The following NFU1 variants were observed in gnomAD, a reference collection of about 807,000 sequenced individuals.
NFU1 encodes the protein NFU1 iron-sulfur cluster scaffold homolog, mitochondrial.
In NFU1, 30 loss-of-function variants were observed where a neutral mutation model predicts 32.2. The observed-to-expected ratio is 0.93, with a 90% CI of 0.70 to 1.26. NFU1 has a LOEUF of 1.26. Ranked by LOEUF, NFU1 falls within the 50% of genes most tolerant of loss-of-function variation. The pLI, the probability that NFU1 is intolerant of heterozygous loss-of-function variation, is 0.00. For synonymous variants in NFU1, 112 were observed against 104.6 expected (o/e 1.07, Z -0.43); for missense variants, 306 against 306.6 (o/e 1.00, Z 0.02).
intron 2 of NFU1, among the ~76,000 whole-genome samples, chr2:69,424,257 A>T (rs1305177841): frequency 6.9e-6 from 1 of 144,710 alleles, no homozygotes. Flanking sequence ...TTCTACTAAC[A>T]CTCTGGTTTA....
chr2:69,416,311 T>G (rs528170574), intron 4 of NFU1: 3 of 147,816 alleles, frequency 2.0e-5, no homozygotes, highest in African/African-American at 7.3e-5. Flanking sequence ...ATAATTATAA[T>G]TTATAATTAA....
chr2:69,411,133 T>C (rs907040961), intron 5 of NFU1: 1 of 152,072 alleles, frequency 6.6e-6, no homozygotes, highest in African/African-American at 2.4e-5. Flanking sequence ...ACTGGGATAA[T>C]TGATTACCTA....
At chr2:69,436,850 G>A (rs888973778) in intron 1 of NFU1, among the ~76,000 whole-genome samples, 15 of 150,834 alleles carry the variant, frequency 9.9e-5, no homozygotes, top group Admixed American at 9.2e-4. Context: ...AGGGAATCTA[G>A]GGGTCCTGGT....
At chr2:69,409,019 T>C (rs149016763) in intron 5 of NFU1, among the ~76,000 whole-genome samples, 3,423 of 151,868 alleles carry the variant, frequency 0.023, 134 homozygotes, top group African/African-American at 0.077. Flanking sequence ...TTTTTGTATT[T>C]TTAGTAGAGA....
Position 69,423,614 on chromosome 2 carries a change from GGT to G in NFU1, c.268_269del (p.Thr90ProfsTer11), listed in dbSNP as rs1673341007. 2 of 1,613,746 alleles carry G rather than the reference GGT, an allele frequency of 1.2e-6. No homozygotes were observed. Among genetic ancestry groups the G allele is most frequent in the Non-Finnish European group, 1.7e-6 (2 of 1,179,908 alleles). On this transcript the variant is annotated frameshift_variant, in exon 3 of 8. Coordinates refer to ENST00000410022, the MANE Select transcript of NFU1 (RefSeq NM_001002755.4). LOFTEE classifies it high-confidence loss of function. ...VLETRTMDFP[T>X]PAAAFRSPLA... ...GAGGGGAGCGAAATGCTGCAGCTGGGGTGGGAAAATCCATGGTCCTTGTCTCA... is the reference window on the plus strand; with the variant it reads ...GAGGGGAGCGAAATGCTGCAGCTGGGGGGAAAATCCATGGTCCTTGTCTCA...
chr2:69,399,768 T>C (rs1308315255), intron 7 of NFU1, among the ~76,000 whole-genome samples: 1 of 152,194 alleles, frequency 6.6e-6, no homozygotes. Flanking sequence ...TGAGTCTCTG[T>C]AGCCTTATGT....
At chr2:69,421,545 CA>C (rs1237410744) in intron 3 of NFU1, among the ~76,000 whole-genome samples, 2 of 135,858 alleles carry the variant, frequency 1.5e-5, no homozygotes, top group African/African-American at 5.4e-5. Flanking sequence ...TTCATCCCAA[CA>C]ATTTTATCAT....
chr2:69,429,345 C>T (rs997219099), intron 2 of NFU1, among the ~76,000 whole-genome samples: 1 of 152,114 alleles, frequency 6.6e-6, no homozygotes, highest in East Asian at 1.9e-4. Flanking sequence ...AGGAGGATCA[C>T]TTGAGGGCAG....
chr2:69,417,505 A>G (rs934761521), intron 4 of NFU1, among the ~76,000 whole-genome samples: 2 of 151,138 alleles, frequency 1.3e-5, no homozygotes, highest in African/African-American at 2.4e-5. Context: ...AAAAAAAATT[A>G]GCTGGGCATA....
chr2:69,401,573 T>C (rs1190626844), intron 6 of NFU1, among the ~76,000 whole-genome samples: 1 of 152,240 alleles, frequency 6.6e-6, no homozygotes. Context: ...TTATAAAGAT[T>C]CTTAGAAATG....
At chr2:69,427,058 T>G (rs1264487532) in intron 2 of NFU1, among the ~76,000 whole-genome samples, 1 of 93,578 alleles carries the variant, frequency 1.1e-5, no homozygotes, top group Non-Finnish European at 2.0e-5. Context: ...AGACTAGGTC[T>G]CAAAAAAAAA....
At chr2:69,405,914 C>T (rs1672679152) in intron 6 of NFU1, 108 bp downstream of exon 6, 1 of 756,892 alleles carries the variant, frequency 1.3e-6, no homozygotes, top group African/African-American at 1.7e-5. Flanking sequence ...CATTAACTTG[C>T]ACTTATTTTG....
chr2:69,396,283 T>A lies in NFU1; in HGVS notation c.728A>T (p.Asp243Val). ...TGCTTCTTTTTCATCTGATTCATCA[T>A]CCATAACCTAAAACCAAAAAACAAA... ...PEVEGVEQVMDDESDEKEANS... is the reference protein window; with the variant it reads ...PEVEGVEQVMVDESDEKEANS... Residue 243 changes from aspartate to valine, a missense_variant, in exon 8 of 8, where the codon GAT becomes GTT. Physicochemically the swap from Asp to Val is radical, Grantham distance 152 (BLOSUM62 -3). Transcript: ENST00000410022. The A allele has an allele frequency of 6.2e-7, 1 of 1,608,296 alleles. No individual in the cohort carries two copies.
chr2:69,438,964 CTCAA>C (rs1182216605), upstream of NFU1, among the ~76,000 whole-genome samples: 4 of 146,180 alleles, frequency 2.7e-5, no homozygotes, highest in East Asian at 4.1e-4. Context: ...GTTTTTGACC[CTCAA>C]TCAAAAATAA....
At chr2:69,437,815 A>G (rs1673910353), upstream of NFU1, among the ~76,000 whole-genome samples, 1 of 152,104 alleles carries the variant, frequency 6.6e-6, no homozygotes, top group Non-Finnish European at 1.5e-5. Flanking sequence ...CAGCTCAGTG[A>G]CTGCCCCCAA....
intron 4 of NFU1, among the ~76,000 whole-genome samples, chr2:69,418,449 G>A (rs1397417207): frequency 6.6e-6 from 1 of 152,052 alleles, no homozygotes; most frequent in Non-Finnish European, 1.5e-5. Context: ...GATTTAACAT[G>A]TCACTAACCC....
intron 4 of NFU1, chr2:69,416,282 A>C (rs1673047933): frequency 6.7e-6 from 1 of 148,180 alleles, no homozygotes; most frequent in Non-Finnish European, 1.5e-5. Flanking sequence ...TAATTCATTC[A>C]CTTATTATTA....
At chr2:69,431,146 TTTTC>T (rs759376345) in intron 2 of NFU1, among the ~76,000 whole-genome samples, 1 of 152,228 alleles carries the variant, frequency 6.6e-6, no homozygotes, top group East Asian at 1.9e-4. Context: ...ACAAAAAAGC[TTTTC>T]TTTCTTTTTT....
chr2:69,427,138 C>T (rs1397354190), intron 2 of NFU1, among the ~76,000 whole-genome samples: 1 of 150,768 alleles, frequency 6.6e-6, no homozygotes, highest in Non-Finnish European at 1.5e-5. Flanking sequence ...ATAATCCTAG[C>T]ACTTTGGGAG....
Sources: allele counts gnomAD v4.1 joint callset (sites outside exome capture counted in the v4.1 genomes callset), GRCh38; gene constraint gnomAD v4.1.1; transcripts MANE v1.5; gene names NCBI Gene and HGNC (gene_info 2026-07-23, HGNC 2026-07-21).